CSGALNACT1: variants seen among roughly 807,000 people sequenced by gnomAD.
The protein encoded by CSGALNACT1 is chondroitin sulfate N-acetylgalactosaminyltransferase 1, also known as beta4GalNAcT-1.
Under a neutral mutation model 51.0 loss-of-function variants are expected in CSGALNACT1, and 52 were observed. The ratio of observed to expected loss-of-function variants is 1.02; its 90% CI spans 0.82 to 1.29. The LOEUF is 1.29. Among genes scored for constraint, CSGALNACT1 ranks in the 50% most tolerant of loss-of-function variants. CSGALNACT1 has a pLI of 0.00. For missense variants in CSGALNACT1, 935 were observed against 679.2 expected, an observed-to-expected ratio of 1.38 and a Z score of -4.19; for synonymous variants, 341 against 254.4, an observed-to-expected ratio of 1.34 and a Z score of -3.24.
intron 3 of CSGALNACT1, among the ~76,000 whole-genome samples, chr8:19,574,053 T>C (rs867704735): frequency 2.6e-5 from 4 of 152,134 alleles, no homozygotes; most frequent in Admixed American, 6.5e-5. Flanking sequence ...CCAGATAAGC[T>C]GGGAATACAA....
chr8:19,740,259 G>A (rs969486550), intron 1 of CSGALNACT1, among the ~76,000 whole-genome samples: 13 of 152,290 alleles, frequency 8.5e-5, no homozygotes, highest in African/African-American at 3.1e-4. Flanking sequence ...CCCTATCCCA[G>A]CTGCTCCCCT....
chr8:19,515,074 G>A (rs1158963798), intron 3 of CSGALNACT1, among the ~76,000 whole-genome samples: 2 of 152,036 alleles, frequency 1.3e-5, no homozygotes, highest in East Asian at 1.9e-4. Context: ...CCAGTGCCAG[G>A]ATCATGCCTT....
intron 1 of CSGALNACT1, among the ~76,000 whole-genome samples, chr8:19,628,944 C>G (rs1429940332): frequency 6.6e-6 from 1 of 152,172 alleles, no homozygotes; most frequent in East Asian, 1.9e-4. Context: ...CTGGCACCCT[C>G]TGTGTCAGTC....
intron 1 of CSGALNACT1, among the ~76,000 whole-genome samples, chr8:19,616,152 G>A (rs2052975527): frequency 6.6e-6 from 1 of 152,176 alleles, no homozygotes; most frequent in Admixed American, 6.5e-5. Flanking sequence ...GATGTATATA[G>A]TAGGACCTCA....
In CSGALNACT1 at chr8:19,423,741, A is replaced by G. The variant is rs528757855; in HGVS notation, c.954-3223T>C. ...TTCAGGCAAATGGATGCTGGGGAACACTTTATATGGCCTAATGCAAAAGGC... is the reference window on the plus strand; with the variant it reads ...TTCAGGCAAATGGATGCTGGGGAACGCTTTATATGGCCTAATGCAAAAGGC... On this transcript the variant is annotated intron_variant, in intron 6 of 9. Transcript: ENST00000454498. Among the ~76,000 whole-genome samples the G allele has an allele frequency of 1.6e-4, 24 of 152,248 alleles. No homozygotes were observed. The South Asian group carries it at 4.6e-3, about 29-fold the overall frequency.
intron 3 of CSGALNACT1, among the ~76,000 whole-genome samples, chr8:19,581,128 A>G (rs1402491348): frequency 1.3e-5 from 2 of 152,234 alleles, no homozygotes; most frequent in Non-Finnish European, 2.9e-5. Context: ...GAAAGGTATC[A>G]AGCCTGAGAT....
chr8:19,606,078 A>T (rs2051323214), upstream of CSGALNACT1, among the ~76,000 whole-genome samples: 1 of 152,164 alleles, frequency 6.6e-6, no homozygotes, highest in Non-Finnish European at 1.5e-5. Flanking sequence ...GACCATCTAA[A>T]CCATGTCTGT....
chr8:19,455,316 A>G (rs927140092), intron 5 of CSGALNACT1, among the ~76,000 whole-genome samples: 12 of 152,222 alleles, frequency 7.9e-5, no homozygotes, highest in African/African-American at 2.9e-4. Context: ...CAGAGGCAAA[A>G]AAGGAAATAC....
At chr8:19,695,923 G>A (rs139132878) in intron 1 of CSGALNACT1, among the ~76,000 whole-genome samples, 63 of 152,062 alleles carry the variant, frequency 4.1e-4, no homozygotes, top group African/African-American at 1.2e-3. Flanking sequence ...AGCCATTAGC[G>A]CTCATGAAAA....
chr8:19,715,270 C>A (rs887910325), intron 1 of CSGALNACT1, among the ~76,000 whole-genome samples: 1 of 152,128 alleles, frequency 6.6e-6, no homozygotes, highest in East Asian at 1.9e-4. Flanking sequence ...TCCCACAACA[C>A]GTGGGAATTA....
At chr8:19,746,817 C>T (rs1029119880) in intron 1 of CSGALNACT1, among the ~76,000 whole-genome samples, 3 of 152,170 alleles carry the variant, frequency 2.0e-5, no homozygotes, top group Non-Finnish European at 4.4e-5. Context: ...TAAACAAACA[C>T]GATCAGCTTT....
intron 1 of CSGALNACT1, among the ~76,000 whole-genome samples, chr8:19,608,338 A>G (rs1346404897): frequency 6.6e-6 from 1 of 152,164 alleles, no homozygotes; most frequent in African/African-American, 2.4e-5. Flanking sequence ...AAGTAGCGGT[A>G]TGGGGAGGGC....
rs918688558 is a variant in CSGALNACT1, at chr8:19,625,413, A to G, written c.-543-23548T>C. Among the ~76,000 whole-genome samples, 17 of 152,234 alleles carry G rather than the reference A, an allele frequency of 1.1e-4. 1 individual carries two copies. Among genetic ancestry groups the G allele is most frequent in the Admixed American group, 9.8e-4 (15 of 15,294 alleles). On this transcript the variant is annotated intron_variant, in intron 1 of 9. Transcript: ENST00000332246. The stretch of plus-strand genomic sequence containing the variant: ...CATGAAGAAACTGAAGCATAGAGCT[A>G]TTATATAAGTAAATTAAAAAGTCAG...
intron 4 of CSGALNACT1, among the ~76,000 whole-genome samples, chr8:19,465,097 C>A (rs2066369933): frequency 6.6e-6 from 1 of 152,160 alleles, no homozygotes. Flanking sequence ...ACAACTCACA[C>A]CCCCATCAAC....
intron 3 of CSGALNACT1, among the ~76,000 whole-genome samples, chr8:19,569,124 G>A (rs1209573546): frequency 6.6e-6 from 1 of 152,194 alleles, no homozygotes; most frequent in Non-Finnish European, 1.5e-5. Flanking sequence ...AGACAGATAT[G>A]GAGTACACAG....
intron 1 of CSGALNACT1, among the ~76,000 whole-genome samples, chr8:19,680,312 T>G (rs1278418895): frequency 6.6e-6 from 1 of 152,120 alleles, no homozygotes; most frequent in East Asian, 1.9e-4. Context: ...TCCCAGCGCT[T>G]TGGGAGGCCA....
At chr8:19,632,500 C>T (rs2055410739) in intron 1 of CSGALNACT1, among the ~76,000 whole-genome samples, 1 of 152,246 alleles carries the variant, frequency 6.6e-6, no homozygotes, top group Non-Finnish European at 1.5e-5. Context: ...CAGAAATAAG[C>T]ATAACATTTG....
chr8:19,406,070 C>G lies in CSGALNACT1; in HGVS notation c.1310-1G>C. 1 of 1,614,148 alleles carries G rather than the reference C, an allele frequency of 6.2e-7. No individual in the cohort carries two copies. ...CCTTTGATGTCCAGATCAAACCCAC[C>G]TGTCGGGACAGAACACACTGTTGAA... On this transcript the variant is annotated splice_acceptor_variant, in intron 9 of 9. Coordinates refer to ENST00000454498, the Ensembl canonical transcript of CSGALNACT1. LOFTEE classifies it high-confidence loss of function.
At chr8:19,686,009 T>A (rs532905154), upstream of CSGALNACT1, among the ~76,000 whole-genome samples, 11 of 152,330 alleles carry the variant, frequency 7.2e-5, no homozygotes, top group African/African-American at 2.4e-4. Context: ...CTTGGTGGAC[T>A]GTGACGTGTT....
Sources: gnomAD v4.1 joint callset for allele counts (sites outside exome capture counted in the v4.1 genomes callset) on GRCh38, gnomAD v4.1.1 for gene constraint, MANE v1.5 for transcripts, NCBI Gene and HGNC (gene_info 2026-07-23, HGNC 2026-07-21) for gene names.